FN1: variants seen among roughly 807,000 people sequenced by gnomAD.
The protein encoded by FN1 is fibronectin 1.
FN1 carries 106 observed loss-of-function variants against 297.3 expected under a neutral mutation model. That is an observed-to-expected ratio of 0.36 (90% CI 0.30 to 0.42). The LOEUF is 0.42. Ranked by LOEUF, FN1 falls within the 10% of genes least tolerant of loss-of-function variation. The pLI, the probability that FN1 is intolerant of heterozygous loss-of-function variation, is 1.00. For missense variants in FN1, 2,690 were observed against 3,124.9 expected (o/e 0.86, Z 3.32); for synonymous variants, 1,149 against 1,152.6 (o/e 1.00, Z 0.06).
chr2:215,381,336 T>C, intron 32 of FN1: 4 of 529,276 alleles, frequency 7.6e-6, no homozygotes, highest in Non-Finnish European at 1.4e-5. Flanking sequence ...ACAATGGGGA[T>C]GTATTTATAT....
At chr2:215,386,593 TTGAG>T in intron 28 of FN1, 92 bp downstream of exon 28, 1 of 420,798 alleles carries the variant, frequency 2.4e-6, no homozygotes, top group Non-Finnish European at 3.9e-6. Context: ...TTTTTTTTTT[TTGAG>T]AGCTGATGAC....
At chr2:215,388,015 G>A (rs1032661017) in intron 27 of FN1, among the ~76,000 whole-genome samples, 197 bp downstream of exon 27, 4 of 152,198 alleles carry the variant, frequency 2.6e-5, no homozygotes, top group Admixed American at 1.3e-4. Context: ...ATTTGTTAGT[G>A]ACTGAAAGTC....
intron 42 of FN1, 172 bp from the exon 43 acceptor site, chr2:215,365,802 TTTTA>T: frequency 3.6e-6 from 1 of 279,530 alleles, no homozygotes; most frequent in Non-Finnish European, 5.9e-6. Flanking sequence ...TTTATTTACT[TTTTA>T]TTTTTTTTTT....
At chr2:215,425,038 T>C (rs2065090787) in intron 7 of FN1, 56 bp downstream of exon 7, 3 of 1,495,494 alleles carry the variant, frequency 2.0e-6, no homozygotes, top group Admixed American at 1.7e-5. Context: ...TGTATTGTCC[T>C]TCAAAAACTA....
intron 12 of FN1, among the ~76,000 whole-genome samples, chr2:215,416,538 G>A (rs2106365372): frequency 6.6e-6 from 1 of 152,200 alleles, no homozygotes; most frequent in Admixed American, 6.5e-5. Context: ...GGAATATCAT[G>A]TCCTTAATTA....
Position 215,365,567 on chromosome 2 carries a change from T to C in FN1, c.7082A>G (p.Asn2361Ser). The C allele has an allele frequency of 6.2e-7, 1 of 1,613,970 alleles. No homozygotes were observed. Among genetic ancestry groups the C allele is most frequent in the Non-Finnish European group, 8.5e-7 (1 of 1,179,884 alleles). ...ACATGTGCAGCTCATCATCTGGCCA[T>C]TTTCTCCCTGACGGTCCCACTTCTC... is the stretch of plus-strand genomic sequence containing the variant. Reference protein sequence around the residue: ...IGEKWDRQGENGQMMSCTCLG... With the variant: ...IGEKWDRQGESGQMMSCTCLG... The change falls in exon 43 of 46, where the codon AAT becomes AGT. Residue 2361 changes from asparagine (N) to serine (S), a missense_variant. Physicochemically the swap from Asn to Ser is conservative, Grantham distance 46. Transcript: ENST00000354785.
chr2:215,403,374 T>G (rs2061375882), intron 20 of FN1, among the ~76,000 whole-genome samples: 1 of 152,202 alleles, frequency 6.6e-6, no homozygotes, highest in Admixed American at 6.5e-5. Flanking sequence ...CCATAGTTAT[T>G]TACAAACTAG....
At chr2:215,422,861 A>C (rs1458885233) in intron 9 of FN1, among the ~76,000 whole-genome samples, 19 of 152,174 alleles carry the variant, frequency 1.2e-4, no homozygotes, top group Admixed American at 1.2e-3. Context: ...TTAAAAAAAG[A>C]GTGAGATTCC....
At chr2:215,362,137 A>T (rs1225755307) in intron 44 of FN1, 58 bp from the exon 45 acceptor site, 1 of 1,329,186 alleles carries the variant, frequency 7.5e-7, no homozygotes, top group Non-Finnish European at 1.1e-6. Context: ...GGACATCGTA[A>T]TTTAGTGTTT....
chr2:215,415,678 G>A (rs369157847), intron 12 of FN1, among the ~76,000 whole-genome samples: 1 of 152,016 alleles, frequency 6.6e-6, no homozygotes, highest in Admixed American at 6.6e-5. Flanking sequence ...TTTATGAAGT[G>A]TATACTAAAT....
intron 30 of FN1, among the ~76,000 whole-genome samples, chr2:215,383,684 T>C (rs1258957459): frequency 6.6e-6 from 1 of 152,228 alleles, no homozygotes; most frequent in African/African-American, 2.4e-5. Context: ...AGATGGTTGC[T>C]TCATTCACAA....
Position 215,424,215 on chromosome 2 carries a change from G to A in FN1, c.1147C>T (p.His383Tyr), listed in dbSNP as rs2064943382. The A allele has an allele frequency of 1.9e-6, 3 of 1,614,074 alleles. No individual in the cohort carries two copies. Among genetic ancestry groups the A allele is most frequent in the Non-Finnish European group, 2.5e-6 (3 of 1,180,034 alleles). The part of the protein sequence containing the change: ...SCTTEGRQDG[H>Y]LWCSTTSNYE... ...TTCGAAGTTGTGCTGCACCAAAGAT[G>A]TCCGTCCTGTCGCCCTTCTGTGGTG... Residue 383 changes from histidine (H) to tyrosine (Y), a missense_variant, in exon 8 of 46, where the codon CAT (histidine) becomes TAT (tyrosine). His to Tyr is a moderately conservative substitution (Grantham distance 83). Transcript: ENST00000354785.
chr2:215,419,200 C>T (rs765008117), intron 12 of FN1, 42 bp downstream of exon 12: 3 of 1,596,288 alleles, frequency 1.9e-6, no homozygotes, highest in Non-Finnish European at 1.7e-6. Flanking sequence ...GTTGTTATAA[C>T]CCAATTGGCA....
chr2:215,423,380 C>T lies in FN1; in HGVS notation c.1363G>A (p.Asp455Asn), dbSNP rs949496981. 2.3e-5 allele frequency: 37 copies of T among 1,614,012 alleles called. No homozygotes were observed. The highest frequency in any genetic ancestry group is 8.3e-5 in the Admixed American group (5 of 60,004). The part of the protein sequence containing the change: ...WCGTTQNYDA[D>N]QKFGFCPMAA... The stretch of plus-strand genomic sequence containing the variant: ...ATGGGGCAGAACCCAAACTTCTGGT[C>T]GGCATCATAGTTCTGTGTGGTCCCA... Residue 455 changes from aspartate to asparagine, a missense_variant, in exon 9 of 46, where the codon GAC becomes AAC. Around this residue, in one of 3 missense-constraint regions of FN1, gnomAD observed 876 missense variants for 1,058.1 expected, o/e 0.83. Coordinates refer to ENST00000354785, the MANE Select transcript of FN1 (RefSeq NM_212482.4).
At position 215,372,393 on chromosome 2, in the gene FN1, G is replaced by T. The variant is rs370655081; in HGVS notation, c.6248-18C>A. On this transcript the variant is annotated intron_variant, in intron 39 of 45. Transcript: ENST00000354785. ...AAGCTCGTCTAGCCGAGAGAGGTTA[G>T]AGCCAAAAAAGCAAAGCGCATTAAG... 2.5e-6 allele frequency: 4 copies of T among 1,606,092 alleles called. No individual in the cohort carries two copies. Among genetic ancestry groups the T allele is most frequent in the Admixed American group, 3.3e-5 (2 of 59,998 alleles).
In FN1 at chr2:215,428,299, A is replaced by G. The variant is rs184965336; in HGVS notation, c.725T>C (p.Ile242Thr). 2 of 1,614,184 alleles carry G rather than the reference A, an allele frequency of 1.2e-6. No homozygotes were observed. The highest frequency in any genetic ancestry group is 2.2e-5 in the East Asian group (1 of 44,892). The change falls in exon 6 of 46, where the codon ATT (isoleucine) becomes ACT (threonine). Residue 242 changes from isoleucine (I) to threonine (T), a missense_variant. By Grantham distance (89) the Ile-to-Thr change is moderately conservative (BLOSUM62 -1). Coordinates refer to ENST00000354785, the MANE Select transcript of FN1 (RefSeq NM_212482.4). ...ATCCTTCTTGCTCCAGGTGTCTCCAATTCTATAGGATGTCCTTGTGTCCTG... is the reference window on the plus strand; with the variant it reads ...ATCCTTCTTGCTCCAGGTGTCTCCAGTTCTATAGGATGTCCTTGTGTCCTG... ...NDQDTRTSYR[I>T]GDTWSKKDNR...
At chr2:215,397,923 T>A in intron 21 of FN1, 75 bp from the exon 22 acceptor site, 1 of 1,312,664 alleles carries the variant, frequency 7.6e-7, no homozygotes, top group South Asian at 1.2e-5. Flanking sequence ...AGGCTATGAT[T>A]ATGCTTTAAA....
chr2:215,388,319 G>C lies in FN1; in HGVS notation c.4253-18C>G. 2 of 1,567,524 alleles carry C rather than the reference G, an allele frequency of 1.3e-6. No individual in the cohort carries two copies. Among genetic ancestry groups the C allele is most frequent in the Non-Finnish European group, 1.8e-6 (2 of 1,137,972 alleles). ...CAGGAGATCTGTAGGGGCAAATGGGGCTTATTTTAAAACTCTGCTCAAAAG... is the reference window on the plus strand; with the variant it reads ...CAGGAGATCTGTAGGGGCAAATGGGCCTTATTTTAAAACTCTGCTCAAAAG... On this transcript the variant is annotated intron_variant, in intron 26 of 45. Transcript: ENST00000354785.
chr2:215,365,876 G>C (rs1192732077), intron 42 of FN1: 2 of 200,460 alleles, frequency 1.0e-5, no homozygotes, highest in African/African-American at 4.8e-5. Context: ...TGCAATCTCG[G>C]CTCACTGTAA....
Sources: allele counts gnomAD v4.1 joint callset (sites outside exome capture counted in the v4.1 genomes callset), GRCh38; gene constraint gnomAD v4.1.1; regional missense constraint gnomAD v4.1.1; transcripts MANE v1.5; gene names NCBI Gene and HGNC (gene_info 2026-07-23, HGNC 2026-07-21).